The following N4BP2 variants were observed in gnomAD, a reference collection of about 807,000 sequenced individuals.
N4BP2 encodes NEDD4-binding protein 2.
In N4BP2, 91 loss-of-function variants were observed where a neutral mutation model predicts 152.8. The observed-to-expected ratio is 0.60, with a 90% CI of 0.50 to 0.71. The LOEUF is 0.71. N4BP2 is among the 30% of genes least tolerant of loss of function. N4BP2 has a pLI of 0.00. For synonymous variants in N4BP2, 646 were observed against 705.3 expected (o/e 0.92, Z 1.33); for missense variants, 1,923 against 2,059.1 (o/e 0.93, Z 1.28).
the N4BP2 span, among the ~76,000 whole-genome samples, chr4:40,173,848 C>G: frequency 6.6e-6 from 1 of 152,182 alleles, no homozygotes; most frequent in African/African-American, 2.4e-5. Context: ...CTGTCCTCTC[C>G]TTTTACCTCC....
chr4:40,152,338 A>C (rs1310374399), intron 16 of N4BP2, among the ~76,000 whole-genome samples: 1 of 152,224 alleles, frequency 6.6e-6, no homozygotes, highest in Non-Finnish European at 1.5e-5. Flanking sequence ...TTCAGAACAA[A>C]GCTTGATGGC....
At chr4:40,158,495 T>C (rs186214317), downstream of N4BP2, among the ~76,000 whole-genome samples, 2 of 152,286 alleles carry the variant, frequency 1.3e-5, no homozygotes, top group Admixed American at 1.3e-4. Flanking sequence ...GATATCAAAA[T>C]TAAGAATTAT....
intron 1 of N4BP2, among the ~76,000 whole-genome samples, chr4:40,067,370 T>A (rs371788329): frequency 2.1e-5 from 3 of 140,066 alleles, no homozygotes; most frequent in African/African-American, 7.9e-5. Flanking sequence ...TTTTTTTTTT[T>A]AAGGCTGAAT....
At chr4:40,077,455 C>CT (rs34189324) in intron 2 of N4BP2, among the ~76,000 whole-genome samples, 33 of 125,616 alleles carry the variant, frequency 2.6e-4, no homozygotes, top group Admixed American at 5.8e-4. Flanking sequence ...GCCAGAATAT[C>CT]TTTTTTTTTT....
chr4:40,154,416 A>G lies in N4BP2; in HGVS notation c.*179A>G. The G allele has an allele frequency of 2.0e-6, 1 of 491,638 alleles. No individual in the cohort carries two copies. The highest frequency in any genetic ancestry group is 3.5e-5 in the East Asian group (1 of 28,366). 30.5% of individuals were successfully genotyped at this position (491,638 alleles called of 1,614,324 possible). On this transcript the variant is annotated 3_prime_UTR_variant, in exon 18 of 18. Coordinates refer to ENST00000261435, the MANE Select transcript of N4BP2 (RefSeq NM_018177.6). Reference sequence around the variant, plus strand: ...TGAGGTTTGATTTTTTACTGAATCAAATGCAAATGTTACCTGTTAAAGATA... The same window carrying G: ...TGAGGTTTGATTTTTTACTGAATCAGATGCAAATGTTACCTGTTAAAGATA...
At chr4:40,063,332 G>A (rs2732065) in intron 1 of N4BP2, among the ~76,000 whole-genome samples, 8,667 of 152,210 alleles carry the variant, frequency 0.057, 694 homozygotes, top group East Asian at 0.42. Flanking sequence ...GGACCTTTCC[G>A]TACTTATACT....
chr4:40,126,274 G>A lies in N4BP2; in HGVS notation c.4471G>A (p.Val1491Ile), dbSNP rs751514495. ...TCATTGGAATACTCAAACTAAAAAA[G>A]TATCACTCAGAGAAATAATGTCAGA... is the stretch of plus-strand genomic sequence containing the variant. ...LDHWNTQTKKVSLREIMSEEI... is the reference protein window; with the variant it reads ...LDHWNTQTKKISLREIMSEEI... The change falls in exon 12 of 18, where the codon GTA (valine) becomes ATA (isoleucine). Residue 1491 changes from valine to isoleucine, a missense_variant. Coordinates refer to ENST00000261435, the MANE Select transcript of N4BP2 (RefSeq NM_018177.6). The A allele has an allele frequency of 1.3e-6, 2 of 1,591,666 alleles. No homozygotes were observed. Among genetic ancestry groups the A allele is most frequent in the South Asian group, 1.1e-5 (1 of 87,330 alleles).
rs147152022 is a variant in N4BP2, at chr4:40,126,896, A to T, written c.4527+566A>T. On this transcript the variant is annotated intron_variant, in intron 12 of 17. Coordinates refer to ENST00000261435, the MANE Select transcript of N4BP2 (RefSeq NM_018177.6). ...CCTCAGCCTCCCAAGAATCAGGGACAACAGATGTGTGCCACCATGCCTGGC... is the reference window on the plus strand; with the variant it reads ...CCTCAGCCTCCCAAGAATCAGGGACTACAGATGTGTGCCACCATGCCTGGC... 2.4e-3 allele frequency among the ~76,000 whole-genome samples: 361 copies of T among 152,180 alleles called. 1 individual carries two copies. Among genetic ancestry groups the T allele is most frequent in the African/African-American group, 8.2e-3 (342 of 41,526 alleles).
At chr4:40,076,690 A>G (rs1712773774) in intron 2 of N4BP2, among the ~76,000 whole-genome samples, 1 of 152,054 alleles carries the variant, frequency 6.6e-6, no homozygotes, top group Non-Finnish European at 1.5e-5. Flanking sequence ...GGGTTTCACC[A>G]TGTTAGCCAG....
chr4:40,170,329 T>C, the N4BP2 span, among the ~76,000 whole-genome samples: 8 of 152,026 alleles, frequency 5.3e-5, no homozygotes, highest in African/African-American at 1.9e-4. Flanking sequence ...TAAGAGCACA[T>C]GCAGGATGGC....
intron 1 of N4BP2, among the ~76,000 whole-genome samples, chr4:40,066,353 T>C (rs794025): frequency 0.85 from 122,560 of 144,732 alleles, 52,003 homozygotes; most frequent in East Asian, 0.97. Context: ...GTGTCTCACT[T>C]TGTTGCTCAG....
intron 11 of N4BP2, among the ~76,000 whole-genome samples, chr4:40,124,420 T>C (rs547050110): frequency 4.6e-5 from 7 of 152,138 alleles, no homozygotes; most frequent in African/African-American, 1.7e-4. Context: ...CATTTTGCCT[T>C]ACTGCAACCT....
rs181576717 is a variant in N4BP2, at chr4:40,125,831, G to T, written c.4331-303G>T. 7.4e-5 allele frequency among the ~76,000 whole-genome samples: 11 copies of T among 149,266 alleles called. No individual in the cohort carries two copies. The East Asian group carries it at 2.0e-3, about 27-fold the overall frequency. ...GAACCTGGGAGGCGGAGGTTGCAGT[G>T]AGCCGAGACTGCGCCATTGCACTCC... is the stretch of plus-strand genomic sequence containing the variant. On this transcript the variant is annotated intron_variant, in intron 11 of 17. Coordinates refer to ENST00000261435, the MANE Select transcript of N4BP2 (RefSeq NM_018177.6).
chr4:40,096,804 T>C (rs1269499224), intron 2 of N4BP2, among the ~76,000 whole-genome samples: 1 of 152,142 alleles, frequency 6.6e-6, no homozygotes, highest in Non-Finnish European at 1.5e-5. Context: ...TCCAAGATTT[T>C]GGCCCAAGTC....
intron 15 of N4BP2, 74 bp from the exon 16 acceptor site, chr4:40,144,558 G>T: frequency 9.9e-6 from 11 of 1,116,512 alleles, no homozygotes; most frequent in South Asian, 5.4e-5. Flanking sequence ...CTTTTATTTG[G>T]GGCACTATTA....
intron 7 of N4BP2, among the ~76,000 whole-genome samples, chr4:40,116,234 A>C (rs1323363260): frequency 6.6e-6 from 1 of 152,036 alleles, no homozygotes; most frequent in Non-Finnish European, 1.5e-5. Context: ...CACTCTGTCC[A>C]CCTTGACTTT....
intron 1 of N4BP2, among the ~76,000 whole-genome samples, chr4:40,069,939 A>G (rs1711980031): frequency 6.6e-6 from 1 of 151,596 alleles, no homozygotes; most frequent in East Asian, 1.9e-4. Context: ...AACAAACACA[A>G]CCCCCAAAAA....
chr4:40,115,747 A>G (rs1279343869), intron 7 of N4BP2, among the ~76,000 whole-genome samples: 4 of 152,126 alleles, frequency 2.6e-5, no homozygotes, highest in Admixed American at 2.6e-4. Context: ...ACTGACATTT[A>G]TAAGATTTTT....
At chr4:40,148,906 A>C (rs901735997) in intron 16 of N4BP2, among the ~76,000 whole-genome samples, 10 of 152,130 alleles carry the variant, frequency 6.6e-5, no homozygotes, top group African/African-American at 2.4e-4. Flanking sequence ...CCCAGCCTGG[A>C]TGACAGAGTG....
Sources: allele counts gnomAD v4.1 joint callset (sites outside exome capture counted in the v4.1 genomes callset), GRCh38; gene constraint gnomAD v4.1.1; transcripts MANE v1.5; gene names NCBI Gene and HGNC (gene_info 2026-07-23, HGNC 2026-07-21).